Variants in AMD1 observed in about 807,000 individuals in gnomAD.
AMD1 encodes the protein adenosylmethionine decarboxylase 1, also known as S-adenosylmethionine decarboxylase proenzyme.
Under a neutral mutation model 40.2 loss-of-function variants are expected in AMD1, and 11 were observed. The ratio of observed to expected loss-of-function variants is 0.27; its 90% CI spans 0.17 to 0.45. The LOEUF (loss-of-function observed/expected upper bound fraction) is 0.45. Among genes scored for constraint, AMD1 ranks in the 20% least tolerant of loss-of-function variants. The pLI is 1.00. For missense variants in AMD1, 257 were observed against 410.2 expected (o/e 0.63, Z 3.23); for synonymous variants, 121 against 130.8 (o/e 0.93, Z 0.51).
At chr6:110,815,171 G>A in the AMD1 span, 1 of 1,555,560 alleles carries the variant, frequency 6.4e-7, no homozygotes, top group Admixed American at 1.9e-5. Flanking sequence ...GGGACGCGGG[G>A]GCCGCCGCCG....
At chr6:110,816,235 A>G in the AMD1 span, among the ~76,000 whole-genome samples, 1 of 152,160 alleles carries the variant, frequency 6.6e-6, no homozygotes, top group African/African-American at 2.4e-5. Flanking sequence ...CCATCTGTCT[A>G]AGGACAATTA....
rs534503559 is a variant in AMD1 at position 110,876,564 on chromosome 6, C to A, written c.110+1349C>A. Among the ~76,000 whole-genome samples the A allele has an allele frequency of 8.6e-4, 131 of 152,136 alleles. No individual in the cohort carries two copies. The Middle Eastern group carries it at 0.01, about 12-fold the overall frequency. ...CCGGTTTCTAGCAGTGTATCTTGAA[C>A]GATTCCATTGTAGAAAAAAATACTA... On this transcript the variant is annotated intron_variant, in intron 1 of 8. Coordinates refer to ENST00000368885, the MANE Select transcript of AMD1 (RefSeq NM_001634.6).
intron 1 of AMD1, among the ~76,000 whole-genome samples, chr6:110,883,962 C>T (rs1456979456): frequency 6.6e-6 from 1 of 152,080 alleles, no homozygotes; most frequent in African/African-American, 2.4e-5. Context: ...CAGGCATTGT[C>T]AGAGAGATTA....
chr6:110,841,272 A>C, the AMD1 span, among the ~76,000 whole-genome samples: 1 of 152,324 alleles, frequency 6.6e-6, no homozygotes, highest in East Asian at 1.9e-4. Context: ...AATAAATCTT[A>C]AGTGTTATAA....
the AMD1 span, among the ~76,000 whole-genome samples, chr6:110,831,625 C>T: frequency 6.6e-6 from 1 of 151,950 alleles, no homozygotes; most frequent in South Asian, 2.1e-4. Context: ...AAGGTTGGAC[C>T]TCTTTGATTC....
At chr6:110,879,777 A>G (rs550137469) in intron 1 of AMD1, among the ~76,000 whole-genome samples, 1 of 152,220 alleles carries the variant, frequency 6.6e-6, no homozygotes, top group African/African-American at 2.4e-5. Context: ...CTCTGAAACC[A>G]GCTGGTTTTA....
intron 1 of AMD1, among the ~76,000 whole-genome samples, chr6:110,884,875 G>A (rs1562337489): frequency 6.6e-6 from 1 of 152,198 alleles, no homozygotes; most frequent in Non-Finnish European, 1.5e-5. Context: ...AGGAGTATGT[G>A]CAAGAATAAG....
chr6:110,843,465 G>GAA, the AMD1 span, among the ~76,000 whole-genome samples: 16 of 121,950 alleles, frequency 1.3e-4, no homozygotes, highest in South Asian at 2.5e-4. Flanking sequence ...ACTCCATCTT[G>GAA]AAAAAAAAAA....
chr6:110,828,428 T>A, the AMD1 span, among the ~76,000 whole-genome samples: 1 of 150,178 alleles, frequency 6.7e-6, no homozygotes. Flanking sequence ...AGTGGAACTC[T>A]GTCTCAAAAA....
At chr6:110,876,631 C>T (rs945871720) in intron 1 of AMD1, among the ~76,000 whole-genome samples, 11 of 151,700 alleles carry the variant, frequency 7.3e-5, no homozygotes, top group African/African-American at 2.7e-4. Context: ...TTTCAAGCTT[C>T]GTGTGACACT....
chr6:110,861,279 A>C, the AMD1 span, among the ~76,000 whole-genome samples: 3 of 150,338 alleles, frequency 2.0e-5, no homozygotes, highest in East Asian at 5.9e-4. Flanking sequence ...AATGGCATGA[A>C]CCCGGGAGGC....
At chr6:110,880,304 C>G (rs1371118022) in intron 1 of AMD1, among the ~76,000 whole-genome samples, 1 of 152,030 alleles carries the variant, frequency 6.6e-6, no homozygotes, top group Admixed American at 6.6e-5. Context: ...AGGTGACTTG[C>G]AAGTATTTTA....
chr6:110,832,930 C>T, the AMD1 span, among the ~76,000 whole-genome samples: 1 of 152,282 alleles, frequency 6.6e-6, no homozygotes, highest in Non-Finnish European at 1.5e-5. Flanking sequence ...AAGTGATTCT[C>T]CTGCCTCAGC....
chr6:110,890,117 C>T, intron 3 of AMD1, 137 bp from the exon 4 acceptor site: 1 of 630,886 alleles, frequency 1.6e-6, no homozygotes, highest in Non-Finnish European at 2.7e-6. Flanking sequence ...CATATGCTAC[C>T]ATGCCAAGCT....
chr6:110,893,273 A>T (rs1786131716), intron 8 of AMD1, among the ~76,000 whole-genome samples: 1 of 152,194 alleles, frequency 6.6e-6, no homozygotes, highest in Admixed American at 6.5e-5. Context: ...AGCCAAACTG[A>T]TGGGTTCCTC....
chr6:110,815,170 G>A, the AMD1 span: 6 of 1,557,500 alleles, frequency 3.9e-6, no homozygotes, highest in Non-Finnish European at 5.2e-6. Context: ...CGGGACGCGG[G>A]GGCCGCCGCC....
At chr6:110,822,305 T>G in the AMD1 span, among the ~76,000 whole-genome samples, 1 of 152,128 alleles carries the variant, frequency 6.6e-6, no homozygotes, top group Non-Finnish European at 1.5e-5. Flanking sequence ...TATGAACAAC[T>G]CTGTGCACAC....
At position 110,892,989 on chromosome 6, in the gene AMD1, C is replaced by T. The variant is rs1342562435; in HGVS notation, c.788C>T (p.Ser263Phe). The T allele has an allele frequency of 1.2e-6, 2 of 1,613,888 alleles. No homozygotes were observed. Among genetic ancestry groups the T allele is most frequent in the Non-Finnish European group, 1.7e-6 (2 of 1,179,960 alleles). Reference protein sequence around the residue: ...VSFETNLSQTSYDDLIRKVVE... With the variant: ...VSFETNLSQTFYDDLIRKVVE... ...TTTGAAACAAACTTAAGTCAGACCT[C>T]CTATGATGACCTGATCAGGAAAGTT... is the stretch of plus-strand genomic sequence containing the variant. Residue 263 changes from serine to phenylalanine, a missense_variant, in exon 8 of 9, where the codon TCC (serine) becomes TTC (phenylalanine). Ser to Phe is a radical substitution (Grantham distance 155). Coordinates refer to ENST00000368885, the MANE Select transcript of AMD1 (RefSeq NM_001634.6).
At chr6:110,820,828 G>A in the AMD1 span, among the ~76,000 whole-genome samples, 1 of 151,968 alleles carries the variant, frequency 6.6e-6, no homozygotes, top group Non-Finnish European at 1.5e-5. Context: ...ACTTGAACCC[G>A]GGAGGCAGAG....
Sources: gnomAD v4.1 joint callset for allele counts (sites outside exome capture counted in the v4.1 genomes callset) on GRCh38, gnomAD v4.1.1 for gene constraint, MANE v1.5 for transcripts, NCBI Gene and HGNC (gene_info 2026-07-23, HGNC 2026-07-21) for gene names.